Variants in MATCAP1 observed in about 807,000 individuals in gnomAD.
The protein encoded by MATCAP1 is microtubule associated tyrosine carboxypeptidase 1.
the MATCAP1 span, chr16:67,180,099 G>A: frequency 6.2e-7 from 1 of 1,614,218 alleles, no homozygotes; most frequent in Admixed American, 1.7e-5. Flanking sequence ...CGTGGGCATG[G>A]GCTCCTGGTA....
chr16:67,182,238 A>C, the MATCAP1 span, among the ~76,000 whole-genome samples: 2 of 150,474 alleles, frequency 1.3e-5, no homozygotes. Flanking sequence ...AACAACAGCG[A>C]AACTCCATCT....
the MATCAP1 span, chr16:67,183,410 G>A: frequency 1.3e-5 from 2 of 152,160 alleles, no homozygotes; most frequent in African/African-American, 2.4e-5. Context: ...CCTTCCCCGC[G>A]TCTAGTGTCC....
At chr16:67,178,131 GCCCCGCCCCTCGCCCGAAGCCCCGC>G in the MATCAP1 span, 1 of 1,478,986 alleles carries the variant, frequency 6.8e-7, no homozygotes, top group South Asian at 1.2e-5. Context: ...AGGGCGGTGA[GCCCCGCCCCTCGCCCGAAGCCCCGC>G]CCCCACCCCG....
the MATCAP1 span, chr16:67,178,284 G>A: frequency 1.6e-5 from 26 of 1,576,434 alleles, no homozygotes; most frequent in Non-Finnish European, 2.2e-5. Context: ...AGCGCTCCAG[G>A]TCCTGGAAGA....
the MATCAP1 span, among the ~76,000 whole-genome samples, chr16:67,180,973 C>T: frequency 6.6e-6 from 1 of 152,166 alleles, no homozygotes; most frequent in East Asian, 1.9e-4. Context: ...GTGATCCTCC[C>T]GCCTCAGCCT....
chr16:67,177,067 G>T, the MATCAP1 span: 1 of 1,187,816 alleles, frequency 8.4e-7, no homozygotes, highest in Non-Finnish European at 1.1e-6. Flanking sequence ...CACAGCCTTT[G>T]CTCCGGGACT....
the MATCAP1 span, among the ~76,000 whole-genome samples, chr16:67,181,117 C>T: frequency 6.6e-6 from 1 of 152,250 alleles, no homozygotes; most frequent in South Asian, 2.1e-4. Context: ...GCCCCTTACT[C>T]GTGATTCTAA....
the MATCAP1 span, chr16:67,179,448 T>C: frequency 6.2e-7 from 1 of 1,611,410 alleles, no homozygotes; most frequent in African/African-American, 1.3e-5. The surrounding 1 kb of genome is among the most constrained non-coding windows in gnomAD (Gnocchi z 5.2). Context: ...TGCCGCAGCA[T>C]GCCCTCCAAC....
At chr16:67,180,170 G>C in the MATCAP1 span, 1 of 1,614,256 alleles carries the variant, frequency 6.2e-7, no homozygotes, top group Non-Finnish European at 8.5e-7. Context: ...CACGGTCCAT[G>C]TTGGTTGGCC....
chr16:67,179,449 G>A, the MATCAP1 span: 1 of 1,611,436 alleles, frequency 6.2e-7, no homozygotes, highest in Non-Finnish European at 8.5e-7. This position sits in a 1 kb window ranked among gnomAD's most constrained non-coding sequence, Gnocchi z 5.2. Flanking sequence ...GCCGCAGCAT[G>A]CCCTCCAACC....
chr16:67,179,714 G>A, the MATCAP1 span: 1 of 1,534,726 alleles, frequency 6.5e-7, no homozygotes, highest in South Asian at 1.2e-5. This position sits in a 1 kb window ranked among gnomAD's most constrained non-coding sequence, Gnocchi z 5.2. Context: ...CCTCACTGGG[G>A]CAGGGGCAGG....
chr16:67,179,826 A>G, the MATCAP1 span: 18 of 1,614,184 alleles, frequency 1.1e-5, no homozygotes, highest in Non-Finnish European at 1.4e-5. This position sits in a 1 kb window ranked among gnomAD's most constrained non-coding sequence, Gnocchi z 5.2. Context: ...TCCCCAGCGC[A>G]GCCCTCCTTC....
chr16:67,179,670 AC>A, the MATCAP1 span: 2 of 1,458,758 alleles, frequency 1.4e-6, no homozygotes, highest in African/African-American at 2.8e-5. The surrounding 1 kb of genome is among the most constrained non-coding windows in gnomAD (Gnocchi z 5.2). Context: ...CAGGGCACCC[AC>A]CCTTCATCAC....
At chr16:67,179,474 C>T in the MATCAP1 span, 1 of 1,612,518 alleles carries the variant, frequency 6.2e-7, no homozygotes, top group African/African-American at 1.3e-5. This position sits in a 1 kb window ranked among gnomAD's most constrained non-coding sequence, Gnocchi z 5.2. Flanking sequence ...CTGGCGGGCT[C>T]CGGTCAGGTT....
At chr16:67,180,149 C>G in the MATCAP1 span, 1 of 1,614,226 alleles carries the variant, frequency 6.2e-7, no homozygotes, top group Middle Eastern at 1.6e-4. Flanking sequence ...ACTGGAAGAA[C>G]TTGTCTCGCT....
the MATCAP1 span, among the ~76,000 whole-genome samples, chr16:67,182,115 G>A: frequency 6.6e-6 from 1 of 152,178 alleles, no homozygotes; most frequent in Non-Finnish European, 1.5e-5. Context: ...TGGGCGTGGT[G>A]GCACATGCCT....
chr16:67,179,849 C>G, the MATCAP1 span: 3 of 1,614,242 alleles, frequency 1.9e-6, no homozygotes, highest in South Asian at 3.3e-5. The surrounding 1 kb of genome is among the most constrained non-coding windows in gnomAD (Gnocchi z 5.2). Context: ...CATGTATTTG[C>G]GCACAATCGA....
chr16:67,178,002 C>T, the MATCAP1 span: 6 of 1,610,880 alleles, frequency 3.7e-6, no homozygotes, highest in Middle Eastern at 1.6e-4. Flanking sequence ...AGGTCCACAG[C>T]CCCTCACCTT....
chr16:67,178,916 C>A, the MATCAP1 span: 1 of 433,066 alleles, frequency 2.3e-6, no homozygotes, highest in Non-Finnish European at 4.4e-6. Context: ...ATCACTCTTG[C>A]CCAGAGCAAC....
Sources: allele counts gnomAD v4.1 joint callset (sites outside exome capture counted in the v4.1 genomes callset), GRCh38; gene constraint gnomAD v4.1.1; non-coding constraint Gnocchi (gnomAD v3.1); transcripts MANE v1.5; gene names NCBI Gene and HGNC (gene_info 2026-07-23, HGNC 2026-07-21).